Variants in GML observed in about 807,000 individuals in gnomAD.
GML encodes glycosylphosphatidylinositol anchored molecule like, also known as glycosyl-phosphatidylinositol-anchored molecule-like protein.
GML carries 5 observed loss-of-function variants against 8.2 expected under a neutral mutation model. The ratio of observed to expected loss-of-function variants is 0.61; its 90% confidence interval spans 0.32 to 1.28. GML has a LOEUF of 1.28. Among genes scored for constraint, GML ranks in the 50% most tolerant of loss-of-function variants. The pLI, the probability that GML is intolerant of heterozygous loss-of-function variation, is 0.06. For missense variants in GML, 191 were observed against 198.3 expected, an observed-to-expected ratio of 0.96 and a Z score of 0.22; for synonymous variants, 72 against 69.0, an observed-to-expected ratio of 1.04 and a Z score of -0.22.
Position 142,846,616 on chromosome 8 carries a change from G to A in GML, c.403G>A (p.Gly135Arg), listed in dbSNP as rs1276968506. The A allele has an allele frequency of 6.2e-7, 1 of 1,613,908 alleles. No homozygotes were observed. The highest frequency in any genetic ancestry group is 2.2e-5 in the East Asian group (1 of 44,892). Reference sequence around the variant, plus strand: ...AGTAACTGAGGAGGAGCTTCCAGAAGGAACTGTGAGGCTGGGGGTATCAAA... The same window carrying A: ...AGTAACTGAGGAGGAGCTTCCAGAAAGAACTGTGAGGCTGGGGGTATCAAA... ...DEVTEEELPE[G>R]TVRLGVSKLL... The change falls in exon 4 of 4, where the codon GGA (glycine) becomes AGA (arginine). Residue 135 changes from glycine (G) to arginine (R), a missense_variant. Transcript: ENST00000220940.
intron 3 of GML, among the ~76,000 whole-genome samples, chr8:142,843,498 A>T (rs1816465803): frequency 6.6e-6 from 1 of 152,218 alleles, no homozygotes; most frequent in Non-Finnish European, 1.5e-5. Context: ...TCCCAATGGA[A>T]CTGGAGTTGT....
At chr8:142,845,430 G>A (rs1212659777) in intron 3 of GML, among the ~76,000 whole-genome samples, 1 of 152,174 alleles carries the variant, frequency 6.6e-6, no homozygotes, top group Non-Finnish European at 1.5e-5. Flanking sequence ...GTAGAATGGT[G>A]AACTCCAATA....
chr8:142,838,886 C>A (rs1816382613), intron 1 of GML, among the ~76,000 whole-genome samples: 1 of 152,196 alleles, frequency 6.6e-6, no homozygotes. Flanking sequence ...TTGCTGTCTT[C>A]TAGTATTCCA....
intron 2 of GML, among the ~76,000 whole-genome samples, chr8:142,840,853 A>G (rs1036382063): frequency 4.6e-5 from 7 of 152,170 alleles, no homozygotes; most frequent in African/African-American, 1.2e-4. Flanking sequence ...TCTGCAGAGC[A>G]TAGCAATCCC....
At chr8:142,846,369 A>G (rs1282027329) in intron 3 of GML, 26 bp from the exon 4 acceptor site, 2 of 1,499,230 alleles carry the variant, frequency 1.3e-6, no homozygotes, top group Admixed American at 1.8e-5. Flanking sequence ...GAAATCAATT[A>G]TTTTCATTGC....
chr8:142,841,466 G>A (rs1816433883), intron 3 of GML, among the ~76,000 whole-genome samples: 1 of 152,184 alleles, frequency 6.6e-6, no homozygotes, highest in Non-Finnish European at 1.5e-5. Context: ...CATCTGCAGC[G>A]TCTCCAGGGG....
At chr8:142,841,655 A>G (rs998805498) in intron 3 of GML, among the ~76,000 whole-genome samples, 17 of 152,166 alleles carry the variant, frequency 1.1e-4, no homozygotes, top group African/African-American at 3.4e-4. Context: ...AAAACCTACC[A>G]CACACAGATG....
At chr8:142,838,577 G>A (rs368906110) in intron 1 of GML, among the ~76,000 whole-genome samples, 22 of 152,068 alleles carry the variant, frequency 1.4e-4, no homozygotes, top group African/African-American at 5.1e-4. Flanking sequence ...AAAGCCTCTG[G>A]GTAAGGAATT....
intron 3 of GML, among the ~76,000 whole-genome samples, chr8:142,841,534 C>T (rs1816434645): frequency 6.6e-6 from 1 of 152,142 alleles, no homozygotes. Flanking sequence ...GTGTAGACAC[C>T]CCATGCTGCC....
Position 142,843,750 on chromosome 8 carries a change from C to G in GML, c.181+2525C>G, listed in dbSNP as rs1198851214. On this transcript the variant is annotated intron_variant, in intron 3 of 3. Transcript: ENST00000220940. ...GGTGCTCTTTAAAGTATCACAAAAT[C>G]AAGTACCACAAATCTAACTGGATTT... Among the ~76,000 whole-genome samples the G allele has an allele frequency of 2.0e-5, 3 of 152,104 alleles. No homozygotes were observed. The East Asian group carries it at 5.8e-4, about 29-fold the overall frequency.
intron 1 of GML, among the ~76,000 whole-genome samples, chr8:142,839,708 G>C (rs1816397530): frequency 6.6e-6 from 1 of 152,208 alleles, no homozygotes; most frequent in Non-Finnish European, 1.5e-5. Context: ...TAAGGGTGCA[G>C]TTGGGTCCCT....
chr8:142,836,251 G>T (rs149856024), intron 1 of GML, among the ~76,000 whole-genome samples: 60 of 152,182 alleles, frequency 3.9e-4, no homozygotes, highest in South Asian at 6.2e-4. Flanking sequence ...TCACCTGTGG[G>T]GTCTGCCCTG....
At chr8:142,835,877 C>T (rs1816332713) in intron 1 of GML, among the ~76,000 whole-genome samples, 1 of 152,158 alleles carries the variant, frequency 6.6e-6, no homozygotes, top group Non-Finnish European at 1.5e-5. Context: ...AGTTCTACAG[C>T]CTCCTTTGCT....
At position 142,841,136 on chromosome 8, in the gene GML, G is replaced by T. The variant is rs45437692; in HGVS notation, c.92G>T (p.Cys31Phe). ...MRAQWTYSLR[C>F]HDCAVINDFN... is the part of the protein sequence containing the mutation. ...CTCTCAGGGACTTACAGTTTGAGAT[G>T]CCATGACTGTGCGGTCATAAATGAC... Residue 31 changes from cysteine (C) to phenylalanine (F), a missense_variant, in exon 3 of 4, where the codon TGC becomes TTC. By Grantham distance (205) the Cys-to-Phe change is radical (BLOSUM62 -2). Transcript: ENST00000220940. The T allele has an allele frequency of 6.4e-7, 1 of 1,556,032 alleles. No homozygotes were observed. The highest frequency in any genetic ancestry group is 8.9e-7 in the Non-Finnish European group (1 of 1,127,112).
chr8:142,845,052 A>G (rs1335255621), intron 3 of GML, among the ~76,000 whole-genome samples: 1 of 152,236 alleles, frequency 6.6e-6, no homozygotes, highest in East Asian at 1.9e-4. Context: ...TCAACAATAA[A>G]TTGTGGTATG....
intron 1 of GML, among the ~76,000 whole-genome samples, chr8:142,836,420 C>A (rs1176738444): frequency 6.6e-6 from 1 of 152,106 alleles, no homozygotes; most frequent in Non-Finnish European, 1.5e-5. Flanking sequence ...TCTTACACAT[C>A]CTGTTATTTT....
At chr8:142,843,299 C>CACACACACACACA (rs1816463557) in intron 3 of GML, among the ~76,000 whole-genome samples, 29 of 147,498 alleles carry the variant, frequency 2.0e-4, no homozygotes, top group African/African-American at 3.5e-4. Flanking sequence ...CACACACACA[C>CACACACACACACA]CATAACCCCA....
At chr8:142,841,308 C>T (rs117884561) in intron 3 of GML, 83 bp downstream of exon 3, 28,037 of 761,818 alleles carry the variant, frequency 0.037, 659 homozygotes, top group Non-Finnish European at 0.048. Flanking sequence ...AGTCTGCTTT[C>T]TTCTCTGCAC....
intron 3 of GML, among the ~76,000 whole-genome samples, chr8:142,845,182 A>G (rs1240093757): frequency 2.0e-5 from 3 of 152,268 alleles, no homozygotes; most frequent in Non-Finnish European, 2.9e-5. Context: ...AAGCAGATGT[A>G]ATGTATAATT....
Sources: allele counts gnomAD v4.1 joint callset (sites outside exome capture counted in the v4.1 genomes callset), GRCh38; gene constraint gnomAD v4.1.1; transcripts MANE v1.5; gene names NCBI Gene and HGNC (gene_info 2026-07-23, HGNC 2026-07-21).